INPP5A: variants seen among roughly 807,000 people sequenced by gnomAD.
INPP5A encodes the protein 43 kDa inositol polyphosphate 5-phophatase.
A neutral mutation model predicts 65.2 loss-of-function variants in INPP5A; 14 were observed. The observed-to-expected ratio is 0.21, with a 90% CI of 0.14 to 0.34. INPP5A has a LOEUF of 0.34. INPP5A is among the 10% of genes least tolerant of loss of function. The probability of loss-of-function intolerance (pLI) is 1.00; values close to 1 mark genes in which losing one functional copy is unlikely to be tolerated. For synonymous variants in INPP5A, 207 were observed against 208.3 expected, an observed-to-expected ratio of 0.99 and a Z score of 0.05; for missense variants, 431 against 545.6, an observed-to-expected ratio of 0.79 and a Z score of 2.09.
At chr10:132,632,992 G>A (rs1436372129) in intron 2 of INPP5A, among the ~76,000 whole-genome samples, 1 of 152,220 alleles carries the variant, frequency 6.6e-6, no homozygotes, top group East Asian at 1.9e-4. Flanking sequence ...AGTATTGAGA[G>A]CTTTCGAGCA....
chr10:132,613,972 T>C (rs763221636), intron 2 of INPP5A, among the ~76,000 whole-genome samples: 16 of 152,258 alleles, frequency 1.1e-4, no homozygotes, highest in Non-Finnish European at 1.9e-4. Flanking sequence ...AAATATGATC[T>C]TCATGGTCTT....
At chr10:132,687,433 G>A (rs931646240) in intron 4 of INPP5A, among the ~76,000 whole-genome samples, 2 of 152,252 alleles carry the variant, frequency 1.3e-5, no homozygotes, top group Admixed American at 6.5e-5. Context: ...CCTGGGGCCA[G>A]GGACCACAGA....
intron 2 of INPP5A, among the ~76,000 whole-genome samples, chr10:132,623,984 G>T (rs941631832): frequency 6.6e-6 from 1 of 152,260 alleles, no homozygotes; most frequent in African/African-American, 2.4e-5. Flanking sequence ...AAATTCAATT[G>T]GCTGTAAAAA....
At chr10:132,730,163 G>C (rs1472408351) in intron 9 of INPP5A, among the ~76,000 whole-genome samples, 28 of 152,218 alleles carry the variant, frequency 1.8e-4, no homozygotes, top group Non-Finnish European at 1.5e-5. Context: ...AGCAGCCTGG[G>C]TCCACCTGCC....
rs1342819474 is a variant in INPP5A at position 132,572,780 on chromosome 10, G to A, written c.75+34609G>A. ...TTAACCTGGTGTTGCTTCTGGCCCT[G>A]CCTCTGCTGGGCGTCTGTCTGCAGC... On this transcript the variant is annotated intron_variant, in intron 1 of 15. Transcript: ENST00000368594. Among the ~76,000 whole-genome samples, 4 of 152,182 alleles carry A rather than the reference G, an allele frequency of 2.6e-5. No individual in the cohort carries two copies. In the East Asian group the frequency reaches 7.7e-4, roughly 29 times the overall value.
Position 132,675,392 on chromosome 10 carries a change from G to C in INPP5A, c.307-15000G>C, listed in dbSNP as rs1368800392. On this transcript the variant is annotated intron_variant, in intron 4 of 15. Coordinates refer to ENST00000368594, the MANE Select transcript of INPP5A (RefSeq NM_005539.5). The surrounding 1 kb of genome is among the most constrained non-coding windows in gnomAD (Gnocchi z 4.2). ...CTAACGGATGTTCTTCAAGCGGAGA[G>C]AAAATGATCTCATATGAAGTCAGAG... is the stretch of plus-strand genomic sequence containing the variant. Among the ~76,000 whole-genome samples, 1 of 152,234 alleles carries C rather than the reference G, an allele frequency of 6.6e-6. No individual in the cohort carries two copies. Among genetic ancestry groups the C allele is most frequent in the South Asian group, 2.1e-4 (1 of 4,834 alleles).
chr10:132,672,778 A>C (rs2072908913), intron 4 of INPP5A, among the ~76,000 whole-genome samples: 1 of 152,182 alleles, frequency 6.6e-6, no homozygotes, highest in Non-Finnish European at 1.5e-5. Flanking sequence ...TCTAGGTTCC[A>C]GTTACATGTG....
intron 1 of INPP5A, among the ~76,000 whole-genome samples, chr10:132,583,438 GT>G (rs1296181645): frequency 6.6e-6 from 1 of 152,148 alleles, no homozygotes; most frequent in Non-Finnish European, 1.5e-5. Flanking sequence ...TTGGCATCGG[GT>G]GAGTCGGCGT....
At chr10:132,646,576 C>T (rs1463544358) in intron 3 of INPP5A, among the ~76,000 whole-genome samples, 2 of 152,162 alleles carry the variant, frequency 1.3e-5, no homozygotes, top group Non-Finnish European at 2.9e-5. Flanking sequence ...ATAGTGGCTG[C>T]TGTATTTTCC....
intron 2 of INPP5A, among the ~76,000 whole-genome samples, chr10:132,608,774 C>T (rs939523560): frequency 2.0e-5 from 3 of 152,168 alleles, no homozygotes; most frequent in East Asian, 1.9e-4. Context: ...GGGCTGAGCC[C>T]GGGACTGAAA....
intron 5 of INPP5A, among the ~76,000 whole-genome samples, chr10:132,695,173 T>C (rs1378492762): frequency 1.3e-5 from 2 of 151,854 alleles, no homozygotes; most frequent in African/African-American, 4.8e-5. Flanking sequence ...TTACTCCTGG[T>C]ATAGAGGCTG....
chr10:132,692,968 G>A (rs1218465766), intron 5 of INPP5A, among the ~76,000 whole-genome samples: 1 of 152,180 alleles, frequency 6.6e-6, no homozygotes, highest in Non-Finnish European at 1.5e-5. Flanking sequence ...CCATGTATTG[G>A]TTAACTGCAG....
chr10:132,571,426 G>T (rs1223376644), intron 1 of INPP5A, among the ~76,000 whole-genome samples: 1 of 152,240 alleles, frequency 6.6e-6, no homozygotes, highest in Admixed American at 6.5e-5. Context: ...GCTTCTTTCA[G>T]TTCCCTTTGG....
chr10:132,586,516 C>T (rs1160568980), intron 1 of INPP5A, among the ~76,000 whole-genome samples: 7 of 152,296 alleles, frequency 4.6e-5, no homozygotes, highest in African/African-American at 1.7e-4. Context: ...AGTGGTCAGC[C>T]GAGTGTCTGG....
chr10:132,604,192 C>T (rs922507997), intron 1 of INPP5A, among the ~76,000 whole-genome samples: 3 of 147,676 alleles, frequency 2.0e-5, no homozygotes, highest in African/African-American at 5.0e-5. Context: ...CCCTCTCTGG[C>T]GTACCCTGTG....
intron 2 of INPP5A, among the ~76,000 whole-genome samples, chr10:132,614,762 C>G (rs1324005647): frequency 1.3e-5 from 2 of 152,378 alleles, no homozygotes; most frequent in East Asian, 1.9e-4. Flanking sequence ...CCGATGAGAT[C>G]GCAAGGAGAG....
At chr10:132,695,214 C>T (rs1191256554) in intron 5 of INPP5A, among the ~76,000 whole-genome samples, 2 of 151,884 alleles carry the variant, frequency 1.3e-5, no homozygotes, top group Admixed American at 6.6e-5. Flanking sequence ...TTAATGTAAT[C>T]CATCACAGCA....
chr10:132,664,224 C>G (rs1042449976), intron 4 of INPP5A, among the ~76,000 whole-genome samples: 2 of 152,190 alleles, frequency 1.3e-5, no homozygotes, highest in Non-Finnish European at 2.9e-5. Context: ...CAAATTCTTG[C>G]GGGTCCCTCA....
At chr10:132,701,337 C>T (rs1427317870) in intron 6 of INPP5A, among the ~76,000 whole-genome samples, 2 of 152,220 alleles carry the variant, frequency 1.3e-5, no homozygotes, top group East Asian at 1.9e-4. Context: ...GGGCGGCCAC[C>T]TCGGGAGAGC....
Sources: gnomAD v4.1 joint callset for allele counts (sites outside exome capture counted in the v4.1 genomes callset) on GRCh38, gnomAD v4.1.1 for gene constraint, Gnocchi (gnomAD v3.1) non-coding constraint, MANE v1.5 for transcripts, NCBI Gene and HGNC (gene_info 2026-07-23, HGNC 2026-07-21) for gene names.